The following PLCZ1 variants were observed in gnomAD, a reference collection of about 807,000 sequenced individuals.
PLCZ1 encodes 1-phosphatidylinositol 4,5-bisphosphate phosphodiesterase zeta-1.
Under a neutral mutation model 76.8 loss-of-function variants are expected in PLCZ1, and 64 were observed. The ratio of observed to expected loss-of-function variants is 0.83; its 90% CI spans 0.68 to 1.03. The LOEUF (loss-of-function observed/expected upper bound fraction) is 1.03, where lower values mean the gene tolerates loss of function less well. PLCZ1 is among the 50% of genes least tolerant of loss of function. PLCZ1 has a pLI of 0.00. For synonymous variants in PLCZ1, 248 were observed against 230.8 expected (o/e 1.07, Z -0.68); for missense variants, 751 against 713.7 (o/e 1.05, Z -0.60).
chr12:18,690,158 G>T (rs1953847767), intron 12 of PLCZ1, among the ~76,000 whole-genome samples: 1 of 152,088 alleles, frequency 6.6e-6, no homozygotes, highest in Non-Finnish European at 1.5e-5. Context: ...AGATATATTG[G>T]GCATATACTT....
At chr12:18,658,085 C>T in the PLCZ1 span, among the ~76,000 whole-genome samples, 1 of 152,026 alleles carries the variant, frequency 6.6e-6, no homozygotes, top group Non-Finnish European at 1.5e-5. Context: ...CAGCAGTACA[C>T]TTGAGCAGAC....
At chr12:18,705,044 C>T in intron 7 of PLCZ1, 122 bp downstream of exon 7, 1 of 1,232,292 alleles carries the variant, frequency 8.1e-7, no homozygotes, top group Non-Finnish European at 1.2e-6. Context: ...AAATAAACCT[C>T]TATACGTGAT....
the PLCZ1 span, among the ~76,000 whole-genome samples, chr12:18,659,616 C>T: frequency 1.3e-5 from 2 of 150,466 alleles, no homozygotes; most frequent in South Asian, 4.2e-4. Flanking sequence ...ATTTCATTTA[C>T]GTGTCAGGCC....
intron 6 of PLCZ1, among the ~76,000 whole-genome samples, chr12:18,705,823 G>A (rs942464631): frequency 1.3e-5 from 2 of 151,946 alleles, no homozygotes; most frequent in Non-Finnish European, 2.9e-5. Flanking sequence ...CCGAGGTTGC[G>A]CCATTGCATT....
At chr12:18,731,002 C>G (rs1959017551) in intron 3 of PLCZ1, 1 of 151,976 alleles carries the variant, frequency 6.6e-6, no homozygotes, top group Non-Finnish European at 1.5e-5. Context: ...ACCTTATGGC[C>G]ACATGCACTG....
the PLCZ1 span, among the ~76,000 whole-genome samples, chr12:18,654,241 G>T: frequency 8.3e-5 from 12 of 144,076 alleles, no homozygotes; most frequent in Admixed American, 8.4e-4. Flanking sequence ...GAAGGTAATA[G>T]AAAAGAGCAA....
chr12:18,677,331 T>C, the PLCZ1 span, among the ~76,000 whole-genome samples: 8 of 152,112 alleles, frequency 5.3e-5, no homozygotes, highest in East Asian at 9.7e-4. Flanking sequence ...ATAGGCTGAA[T>C]CAGCACCGTG....
At chr12:18,662,619 A>G in the PLCZ1 span, among the ~76,000 whole-genome samples, 2 of 152,146 alleles carry the variant, frequency 1.3e-5, no homozygotes, top group Non-Finnish European at 2.9e-5. Flanking sequence ...TTTCTACATT[A>G]TTTAAGATAT....
downstream of PLCZ1, among the ~76,000 whole-genome samples, chr12:18,680,079 ATTAC>A (rs1952276346): frequency 3.4e-5 from 5 of 147,328 alleles, no homozygotes; most frequent in South Asian, 6.2e-4. Context: ...CCAGTGTGTT[ATTAC>A]TTGGAAAGTA....
At chr12:18,700,309 T>A (rs1295999819) in intron 9 of PLCZ1, among the ~76,000 whole-genome samples, 1 of 151,978 alleles carries the variant, frequency 6.6e-6, no homozygotes, top group Admixed American at 6.6e-5. Flanking sequence ...ATAGCGAACA[T>A]TTGCCATTTC....
chr12:18,698,175 C>T (rs1432580556), intron 10 of PLCZ1, among the ~76,000 whole-genome samples: 1 of 152,018 alleles, frequency 6.6e-6, no homozygotes, highest in Admixed American at 6.6e-5. Flanking sequence ...TACAATCCAA[C>T]TCACATGCAC....
intron 12 of PLCZ1, chr12:18,693,081 C>A: frequency 1.3e-6 from 2 of 1,505,518 alleles, no homozygotes; most frequent in Non-Finnish European, 1.8e-6. Flanking sequence ...AGTGGATGAT[C>A]TGAGGGGGAC....
chr12:18,658,369 A>G, the PLCZ1 span, among the ~76,000 whole-genome samples: 56 of 152,308 alleles, frequency 3.7e-4, no homozygotes, highest in African/African-American at 1.3e-3. Flanking sequence ...AAACATAACA[A>G]GATTCACAAT....
At chr12:18,712,691 T>TGG in intron 6 of PLCZ1, 151 bp downstream of exon 6, 1 of 950,004 alleles carries the variant, frequency 1.1e-6, no homozygotes, top group Non-Finnish European at 1.6e-6. Context: ...TTTAACTATA[T>TGG]ACAACATGGA....
chr12:18,687,185 A>G (rs1267979723), intron 13 of PLCZ1, among the ~76,000 whole-genome samples: 2 of 152,124 alleles, frequency 1.3e-5, no homozygotes, highest in African/African-American at 2.4e-5. Context: ...ATCTTTTTCC[A>G]TGACTTTCGC....
At chr12:18,657,566 T>C in the PLCZ1 span, among the ~76,000 whole-genome samples, 1 of 152,162 alleles carries the variant, frequency 6.6e-6, no homozygotes, top group Admixed American at 6.5e-5. Flanking sequence ...AAGAAATCTC[T>C]GTAAAATCAT....
At chr12:18,673,097 T>C in the PLCZ1 span, among the ~76,000 whole-genome samples, 486 of 152,240 alleles carry the variant, frequency 3.2e-3, 4 homozygotes, top group African/African-American at 0.011. Flanking sequence ...AGCAGAAAAG[T>C]TCTAAAAATT....
At chr12:18,724,196 T>G (rs1958615845) in intron 3 of PLCZ1, among the ~76,000 whole-genome samples, 1 of 152,150 alleles carries the variant, frequency 6.6e-6, no homozygotes, top group East Asian at 1.9e-4. Context: ...TTGGAAGAGT[T>G]AGAGAACTGC....
In PLCZ1 at chr12:18,701,711, T is replaced by C; in HGVS notation, c.930A>G (p.Arg310=). The part of the protein sequence containing the change: ...KIGTLKETHE[R]KGSDKRGDNQ... ...CCTTACCACGCTTATCAGAACCTTT[T>C]CTTTCATGGGTTTCCTTTAAGGTTC... Residue 310 remains arginine, a synonymous_variant, in exon 8 of 15, where the codon AGA becomes AGG. Coordinates refer to ENST00000266505, the MANE Select transcript of PLCZ1 (RefSeq NM_033123.4). 6.2e-7 allele frequency: 1 copy of C among 1,612,348 alleles called. No individual in the cohort carries two copies.
Sources: allele counts gnomAD v4.1 joint callset (sites outside exome capture counted in the v4.1 genomes callset), GRCh38; gene constraint gnomAD v4.1.1; transcripts MANE v1.5; gene names NCBI Gene and HGNC (gene_info 2026-07-23, HGNC 2026-07-21).